PCDHB12: variants seen among roughly 807,000 people sequenced by gnomAD.
The protein encoded by PCDHB12 is protocadherin beta-12.
For missense variants in PCDHB12, 1,192 were observed against 998.2 expected, an observed-to-expected ratio of 1.19 and a Z score of -2.62; for synonymous variants, 560 against 445.2, an observed-to-expected ratio of 1.26 and a Z score of -3.24.
Position 141,208,991 on chromosome 5 carries a change from T to C in PCDHB12, c.84T>C (p.Ser28=). 6.2e-7 allele frequency: 1 copy of C among 1,600,318 alleles called. No individual in the cohort carries two copies. Among genetic ancestry groups the C allele is most frequent in the Non-Finnish European group, 8.5e-7 (1 of 1,174,456 alleles). Residue 28 remains serine, a synonymous_variant, in exon 1 of 1, where the codon TCT becomes TCC. Coordinates refer to ENST00000239450, the MANE Select transcript of PCDHB12 (RefSeq NM_018932.4). ...FVLLGMSQAG[S]ETGNFLVMEE... is the part of the protein sequence containing the mutation. ...TGCTGGGAATGTCTCAGGCGGGCTC[T>C]GAAACTGGGAACTTTTTGGTGATGG... is the stretch of plus-strand genomic sequence containing the variant.
Position 141,211,598 on chromosome 5 carries a change from T to C in PCDHB12, c.*303T>C, listed in dbSNP as rs564435139. The C allele has an allele frequency of 2.6e-6, 1 of 391,846 alleles. No individual in the cohort carries two copies. Among genetic ancestry groups the C allele is most frequent in the Non-Finnish European group, 4.8e-6 (1 of 206,840 alleles). The allele number at this position is 391,846 out of a possible 1,614,324, so 24.3% of individuals were successfully genotyped here. A position where few individuals can be genotyped will look rare whatever the true frequency, so the allele number is the denominator to read the frequency against. ...TGTTTTCAATATTTACTGTGACTTTTGTTTTCTGAGTTGATTAGAATGCTG... is the reference window on the plus strand; with the variant it reads ...TGTTTTCAATATTTACTGTGACTTTCGTTTTCTGAGTTGATTAGAATGCTG... On this transcript the variant is annotated 3_prime_UTR_variant, in exon 1 of 1. Coordinates refer to ENST00000239450, the MANE Select transcript of PCDHB12 (RefSeq NM_018932.4).
rs1554286783 is a variant in PCDHB12 at position 141,209,987 on chromosome 5, T to G, written c.1080T>G (p.Thr360=). The G allele has an allele frequency of 6.2e-7, 1 of 1,614,074 alleles. No homozygotes were observed. Among genetic ancestry groups the G allele is most frequent in the East Asian group, 2.2e-5 (1 of 44,876 alleles). The change falls in exon 1 of 1, where the codon ACT becomes ACG. Residue 360 remains threonine, a synonymous_variant. Transcript: ENST00000239450. Reference sequence around the variant, plus strand: ...TTACCAGTCCAATCCCAGAAAACACTCCAGAGACTGTGGTTATGGTTTTCA... The same window carrying G: ...TTACCAGTCCAATCCCAGAAAACACGCCAGAGACTGTGGTTATGGTTTTCA... ...SSITSPIPEN[T]PETVVMVFRI... is the part of the protein sequence containing the mutation.
In PCDHB12 at chr5:141,210,191, C is replaced by T; in HGVS notation, c.1284C>T (p.Thr428=). The change falls in exon 1 of 1, where the codon ACC becomes ACT. Residue 428 remains threonine, a synonymous_variant. Transcript: ENST00000239450. ...NITITVTDLG[T]PRLKTEHNIT... ...CCATCACCGTCACCGACTTGGGGAC[C>T]CCCAGGCTAAAAACCGAGCACAACA... 4 of 1,614,140 alleles carry T rather than the reference C, an allele frequency of 2.5e-6. No individual in the cohort carries two copies. Among genetic ancestry groups the T allele is most frequent in the Non-Finnish European group, 3.4e-6 (4 of 1,180,002 alleles).
rs367949754 is a variant in PCDHB12 at position 141,211,298 on chromosome 5, A to C, written c.*3A>C. On this transcript the variant is annotated 3_prime_UTR_variant, in exon 1 of 1. Coordinates refer to ENST00000239450, the MANE Select transcript of PCDHB12 (RefSeq NM_018932.4). ...TTCAGAATAATTTGGGTTTCTGATA[A>C]AGAATGAAAAATAAAACCTGTGTTT... The C allele has an allele frequency of 2.3e-4, 363 of 1,575,806 alleles. No homozygotes were observed. Among genetic ancestry groups the C allele is most frequent in the Middle Eastern group, 1.0e-3 (6 of 5,816 alleles).
At position 141,209,401 on chromosome 5, in the gene PCDHB12, A is replaced by G. The variant is rs782013837; in HGVS notation, c.494A>G (p.Asn165Ser). ...ESAKDLDVGI[N>S]AVKSYTINPN... ...GCAAAGGATTTAGATGTAGGAATCAATGCTGTAAAAAGCTACACAATAAAT... is the reference window on the plus strand; with the variant it reads ...GCAAAGGATTTAGATGTAGGAATCAGTGCTGTAAAAAGCTACACAATAAAT... Residue 165 changes from asparagine to serine, a missense_variant, in exon 1 of 1, where the codon AAT (asparagine) becomes AGT (serine). By Grantham distance (46) the Asn-to-Ser change is conservative. Transcript: ENST00000239450. The G allele has an allele frequency of 1.5e-5, 24 of 1,614,120 alleles. No homozygotes were observed. The South Asian group carries it at 2.6e-4, about 18-fold the overall frequency.
Position 141,210,527 on chromosome 5 carries a change from T to G in PCDHB12, c.1620T>G (p.Ala540=), listed in dbSNP as rs552565833. The G allele has an allele frequency of 5.5e-5, 88 of 1,612,102 alleles. No individual in the cohort carries two copies. Among genetic ancestry groups the G allele is most frequent in the African/African-American group, 2.5e-4 (19 of 75,008 alleles). ...RVGATDHGSP[A]LSSEALVRVL... ...GCGCCACAGACCACGGCTCCCCGGC[T>G]TTGAGCAGCGAGGCGCTGGTGCGCG... The change falls in exon 1 of 1, where the codon GCT becomes GCG. Residue 540 remains alanine, a synonymous_variant. Coordinates refer to ENST00000239450, the MANE Select transcript of PCDHB12 (RefSeq NM_018932.4).
rs1554286626 is a variant in PCDHB12 at position 141,209,272 on chromosome 5, A to G, written c.365A>G (p.Gln122Arg). ...NPTQFLQIEL[Q>R]VRDINDHSPV... Reference sequence around the variant, plus strand: ...ACGCAGTTTTTACAAATTGAGCTCCAGGTCAGGGATATAAATGATCACTCT... The same window carrying G: ...ACGCAGTTTTTACAAATTGAGCTCCGGGTCAGGGATATAAATGATCACTCT... Residue 122 changes from glutamine (Q) to arginine (R), a missense_variant, in exon 1 of 1, where the codon CAG (glutamine) becomes CGG (arginine). By Grantham distance (43) the Gln-to-Arg change is conservative (BLOSUM62 1). Coordinates refer to ENST00000239450, the MANE Select transcript of PCDHB12 (RefSeq NM_018932.4). 6.2e-7 allele frequency: 1 copy of G among 1,614,234 alleles called. No homozygotes were observed. The highest frequency in any genetic ancestry group is 2.2e-5 in the East Asian group (1 of 44,888).
In PCDHB12 at chr5:141,210,569, C is replaced by T. The variant is rs781883094; in HGVS notation, c.1662C>T (p.Ala554=). The change falls in exon 1 of 1, where the codon GCC becomes GCT. Residue 554 remains alanine (A), a synonymous_variant. Transcript: ENST00000239450. ...TGGTGCGCGTGCTGGTGCTGGACGC[C>T]AACGACAACTCGCCCTTCGTGCTGT... ...EALVRVLVLD[A]NDNSPFVLYP... is the part of the protein sequence containing the mutation. The T allele has an allele frequency of 4.3e-6, 7 of 1,611,732 alleles. No individual in the cohort carries two copies. The highest frequency in any genetic ancestry group is 5.1e-6 in the Non-Finnish European group (6 of 1,179,744).
chr5:141,211,105 C>T lies in PCDHB12; in HGVS notation c.2198C>T (p.Pro733Leu), dbSNP rs533366079. Reference protein sequence around the residue: ...GRCSVPEGPFPGHLVDVSGTG... With the variant: ...GRCSVPEGPFLGHLVDVSGTG... ...TGCTCGGTGCCTGAGGGCCCCTTTC[C>T]AGGACATCTGGTGGACGTGAGTGGC... The change falls in exon 1 of 1, where the codon CCA becomes CTA. Residue 733 changes from proline (P) to leucine (L), a missense_variant. Pro to Leu is a moderately conservative substitution (Grantham distance 98, BLOSUM62 -3). Coordinates refer to ENST00000239450, the MANE Select transcript of PCDHB12 (RefSeq NM_018932.4). 1.9e-6 allele frequency: 3 copies of T among 1,614,114 alleles called. No homozygotes were observed. Among genetic ancestry groups the T allele is most frequent in the East Asian group, 4.5e-5 (2 of 44,872 alleles).
In PCDHB12 at chr5:141,211,842, G is replaced by A. The variant is rs1754469269; in HGVS notation, c.*547G>A. On this transcript the variant is annotated 3_prime_UTR_variant, in exon 1 of 1. Coordinates refer to ENST00000239450, the MANE Select transcript of PCDHB12 (RefSeq NM_018932.4). ...CCACTAACTAATAAGTGACAAAACTGAGCATCCATCCTAGATCTGCCTGAC... is the reference window on the plus strand; with the variant it reads ...CCACTAACTAATAAGTGACAAAACTAAGCATCCATCCTAGATCTGCCTGAC... The A allele has an allele frequency of 5.7e-6, 1 of 174,672 alleles. No individual in the cohort carries two copies. The highest frequency in any genetic ancestry group is 6.1e-5 in the Admixed American group (1 of 16,342). The allele number at this position is 174,672 out of a possible 1,614,324, so 10.8% of individuals were successfully genotyped here.
chr5:141,209,309 G>A lies in PCDHB12; in HGVS notation c.402G>A (p.Leu134=). 1 of 1,614,154 alleles carries A rather than the reference G, an allele frequency of 6.2e-7. No individual in the cohort carries two copies. Among genetic ancestry groups the A allele is most frequent in the South Asian group, 1.1e-5 (1 of 91,084 alleles). ...TAAATGATCACTCTCCCGTCTTCTT[G>A]GAAAAAGAAATGCTCTTAGAAATCC... The part of the protein sequence containing the change: ...RDINDHSPVF[L]EKEMLLEIPE... Residue 134 remains leucine, a synonymous_variant, in exon 1 of 1, where the codon TTG becomes TTA. Coordinates refer to ENST00000239450, the MANE Select transcript of PCDHB12 (RefSeq NM_018932.4).
At position 141,211,088 on chromosome 5, in the gene PCDHB12, G is replaced by A. The variant is rs782339374; in HGVS notation, c.2181G>A (p.Val727=). The change falls in exon 1 of 1, where the codon GTG becomes GTA. Residue 727 remains valine, a synonymous_variant. Coordinates refer to ENST00000239450, the MANE Select transcript of PCDHB12 (RefSeq NM_018932.4). ...CGGCCCCGGTCGGTCGCTGCTCGGT[G>A]CCTGAGGGCCCCTTTCCAGGACATC... ...SRAAPVGRCS[V]PEGPFPGHLV... 3.7e-6 allele frequency: 6 copies of A among 1,613,868 alleles called. No individual in the cohort carries two copies. Among genetic ancestry groups the A allele is most frequent in the Non-Finnish European group, 3.4e-6 (4 of 1,180,020 alleles).
rs782343667 is a variant in PCDHB12, at chr5:141,210,146, C to G, written c.1239C>G (p.Ser413Arg). Residue 413 changes from serine (S) to arginine (R), a missense_variant, in exon 1 of 1, where the codon AGC (serine) becomes AGG (arginine). Ser to Arg is a moderately radical substitution (Grantham distance 110, BLOSUM62 -1). Coordinates refer to ENST00000239450, the MANE Select transcript of PCDHB12 (RefSeq NM_018932.4). ...CAGAGAGACCGCTGGACAGAGAGAG[C>G]AGAGCCGAGTACAACATCACCATCA... ...LETERPLDRE[S>R]RAEYNITITV... 1 of 1,614,092 alleles carries G rather than the reference C, an allele frequency of 6.2e-7. No homozygotes were observed. The highest frequency in any genetic ancestry group is 1.3e-5 in the African/African-American group (1 of 74,924).
rs782747882 is a variant in PCDHB12 at position 141,210,167 on chromosome 5, C to G, written c.1260C>G (p.Thr420=). The G allele has an allele frequency of 1.2e-6, 2 of 1,614,174 alleles. No homozygotes were observed. Among genetic ancestry groups the G allele is most frequent in the East Asian group, 4.5e-5 (2 of 44,878 alleles). ...AGAGCAGAGCCGAGTACAACATCAC[C>G]ATCACCGTCACCGACTTGGGGACCC... is the stretch of plus-strand genomic sequence containing the variant. ...DRESRAEYNI[T]ITVTDLGTPR... The change falls in exon 1 of 1, where the codon ACC becomes ACG. Residue 420 remains threonine (T), a synonymous_variant. Transcript: ENST00000239450.
At position 141,210,944 on chromosome 5, in the gene PCDHB12, C is replaced by T. The variant is rs781920237; in HGVS notation, c.2037C>T (p.Ala679=). The change falls in exon 1 of 1, where the codon GCC becomes GCT. Residue 679 remains alanine (A), a synonymous_variant. Coordinates refer to ENST00000239450, the MANE Select transcript of PCDHB12 (RefSeq NM_018932.4). The part of the protein sequence containing the change: ...PYLPLPEAAP[A]QAQADSLTVY... ...TGCCTCTCCCGGAGGCGGCCCCGGCCCAGGCCCAGGCCGACTCGCTCACTG... is the reference window on the plus strand; with the variant it reads ...TGCCTCTCCCGGAGGCGGCCCCGGCTCAGGCCCAGGCCGACTCGCTCACTG... 6.2e-7 allele frequency: 1 copy of T among 1,611,536 alleles called. No individual in the cohort carries two copies. Among genetic ancestry groups the T allele is most frequent in the South Asian group, 1.1e-5 (1 of 91,026 alleles).
chr5:141,210,618 C>T lies in PCDHB12; in HGVS notation c.1711C>T (p.Pro571Ser), dbSNP rs1754427180. The T allele has an allele frequency of 1.9e-6, 3 of 1,611,382 alleles. No individual in the cohort carries two copies. Among genetic ancestry groups the T allele is most frequent in the African/African-American group, 2.7e-5 (2 of 75,000 alleles). Reference protein sequence around the residue: ...VLYPLQNGSAPCTELVPWAAE... With the variant: ...VLYPLQNGSASCTELVPWAAE... ...GTACCCGCTGCAGAACGGCTCCGCG[C>T]CCTGCACCGAGCTGGTGCCCTGGGC... is the stretch of plus-strand genomic sequence containing the variant. Residue 571 changes from proline to serine, a missense_variant, in exon 1 of 1, where the codon CCC becomes TCC. Pro to Ser is a moderately conservative substitution (Grantham distance 74, BLOSUM62 -1). Transcript: ENST00000239450.
In PCDHB12 at chr5:141,209,541, C is replaced by G; in HGVS notation, c.634C>G (p.Leu212Val). ...AGAGCGCCCGGAGCTCAGTTTCATC[C>G]TCACTGCTCTGGATGGCGGGTCCCC... is the stretch of plus-strand genomic sequence containing the variant. The part of the protein sequence containing the change: ...YEERPELSFI[L>V]TALDGGSPPR... The change falls in exon 1 of 1, where the codon CTC becomes GTC. Residue 212 changes from leucine to valine, a missense_variant. Transcript: ENST00000239450. 1.2e-6 allele frequency: 2 copies of G among 1,614,212 alleles called. No homozygotes were observed. Among genetic ancestry groups the G allele is most frequent in the Non-Finnish European group, 1.7e-6 (2 of 1,180,054 alleles).
rs1389426503 is a variant in PCDHB12, at chr5:141,208,804, G to C, written c.-104G>C. 3.9e-6 allele frequency: 4 copies of C among 1,020,912 alleles called. No homozygotes were observed. Among genetic ancestry groups the C allele is most frequent in the Admixed American group, 5.4e-5 (2 of 37,226 alleles). The allele number at this position is 1,020,912 out of a possible 1,614,324, so 63.2% of individuals were successfully genotyped here. A position where few individuals can be genotyped will look rare whatever the true frequency, so the allele number is the denominator to read the frequency against. ...CATTCAACAAGGTTAAAATCTTCAG[G>C]CTTCCGAGGATTTGGTAGACAGATC... On this transcript the variant is annotated 5_prime_UTR_variant, in exon 1 of 1. Coordinates refer to ENST00000239450, the MANE Select transcript of PCDHB12 (RefSeq NM_018932.4).
rs782343450 is a variant in PCDHB12, at chr5:141,210,956, C to G, written c.2049C>G (p.Ala683=). The change falls in exon 1 of 1, where the codon GCC becomes GCG. Residue 683 remains alanine, a synonymous_variant. Transcript: ENST00000239450. ...AGGCGGCCCCGGCCCAGGCCCAGGC[C>G]GACTCGCTCACTGTCTACCTGGTGG... ...LPEAAPAQAQ[A]DSLTVYLVVA... is the part of the protein sequence containing the mutation. 25 of 1,611,720 alleles carry G rather than the reference C, an allele frequency of 1.6e-5. 1 individual carries two copies. Among genetic ancestry groups the G allele is most frequent in the Middle Eastern group, 3.7e-4 (2 of 5,426 alleles).
Sources: gnomAD v4.1 joint callset for allele counts on GRCh38, gnomAD v4.1.1 for gene constraint, MANE v1.5 for transcripts, NCBI Gene and HGNC (gene_info 2026-07-23, HGNC 2026-07-21) for gene names.